The following DNM3 variants were observed in gnomAD, a reference collection of about 807,000 sequenced individuals.
DNM3 encodes the protein dynamin 3, also known as dynamin-3.
In DNM3, 47 loss-of-function variants were observed where a neutral mutation model predicts 101.6. The observed-to-expected ratio is 0.46, with a 90% CI of 0.37 to 0.59. The LOEUF (loss-of-function observed/expected upper bound fraction) is 0.59. DNM3 is among the 20% of genes least tolerant of loss of function. DNM3 has a pLI of 0.00. For synonymous variants in DNM3, 385 were observed against 387.9 expected (o/e 0.99, Z 0.09); for missense variants, 849 against 1,085.7 (o/e 0.78, Z 3.06).
intron 7 of DNM3, 64 bp downstream of exon 7, chr1:172,038,525 T>G: frequency 6.3e-7 from 1 of 1,581,682 alleles, no homozygotes; most frequent in East Asian, 2.2e-5. Flanking sequence ...TTCTATTGCC[T>G]TAGTCTATTT....
At chr1:172,282,921 G>A (rs1176294418) in intron 15 of DNM3, among the ~76,000 whole-genome samples, 1 of 152,130 alleles carries the variant, frequency 6.6e-6, no homozygotes, top group Non-Finnish European at 1.5e-5. Context: ...CTTTACCTTT[G>A]GGTGGGACAT....
chr1:171,901,031 T>C (rs1423865149), intron 1 of DNM3, among the ~76,000 whole-genome samples: 82 of 143,784 alleles, frequency 5.7e-4, no homozygotes, highest in Non-Finnish European at 9.4e-4. Flanking sequence ...GAGAATGGCG[T>C]GAACCCGGGA....
Position 172,409,020 on chromosome 1 carries a change from C to T in DNM3, c.*1179C>T, listed in dbSNP as rs1291156401. The T allele has an allele frequency of 5.1e-6, 5 of 985,302 alleles. No individual in the cohort carries two copies. The East Asian group carries it at 5.7e-4, about 112-fold the overall frequency. The allele number at this position is 985,302 out of a possible 1,614,324, so 61.0% of individuals were successfully genotyped here. On this transcript the variant is annotated 3_prime_UTR_variant, in exon 21 of 21. Transcript: ENST00000627582. Reference sequence around the variant, plus strand: ...GAAAAGGGTATTGAAACGTTGAAATCTAAAGCAAATTTGCAATTTCTTAAG... The same window carrying T: ...GAAAAGGGTATTGAAACGTTGAAATTTAAAGCAAATTTGCAATTTCTTAAG...
intron 11 of DNM3, among the ~76,000 whole-genome samples, chr1:172,078,432 G>A (rs2052854157): frequency 1.3e-5 from 2 of 151,846 alleles, no homozygotes; most frequent in Admixed American, 1.3e-4. Flanking sequence ...CAGCAACTAG[G>A]ATTGCAACCC....
intron 1 of DNM3, among the ~76,000 whole-genome samples, chr1:171,869,462 T>A (rs1452587855): frequency 6.6e-6 from 1 of 152,232 alleles, no homozygotes; most frequent in Admixed American, 6.5e-5. Context: ...AGAAGGTAGT[T>A]ATATCTGTCA....
chr1:172,179,021 G>A lies in DNM3; in HGVS notation c.1659+47733G>A, dbSNP rs577951291. On this transcript the variant is annotated intron_variant, in intron 14 of 20. Transcript: ENST00000627582. ...TGAGCTAATACTCTAAAGCCAGGGC[G>A]GTGATAGTAGTTATCTGTGTGTACT... Among the ~76,000 whole-genome samples the A allele has an allele frequency of 2.0e-4, 30 of 152,072 alleles. 2 individuals are homozygous for A. The South Asian group carries it at 2.9e-3, about 15-fold the overall frequency.
At chr1:172,039,112 C>A (rs919343743) in intron 7 of DNM3, among the ~76,000 whole-genome samples, 3 of 152,032 alleles carry the variant, frequency 2.0e-5, no homozygotes, top group African/African-American at 7.2e-5. Flanking sequence ...GAATTCCTAG[C>A]TCTTTATATC....
intron 15 of DNM3, among the ~76,000 whole-genome samples, chr1:172,278,413 T>C (rs1428289141): frequency 1.3e-5 from 2 of 152,082 alleles, no homozygotes; most frequent in African/African-American, 4.8e-5. Flanking sequence ...TAACAATAGC[T>C]GATGAGCTAA....
At chr1:172,296,471 TC>T (rs748748745) in intron 15 of DNM3, among the ~76,000 whole-genome samples, 44 of 152,310 alleles carry the variant, frequency 2.9e-4, no homozygotes, top group Admixed American at 1.1e-3. Context: ...CATTCGATAC[TC>T]TCAAAACAAC....
At chr1:171,940,993 T>C (rs2041773562) in intron 2 of DNM3, among the ~76,000 whole-genome samples, 1 of 152,176 alleles carries the variant, frequency 6.6e-6, no homozygotes, top group South Asian at 2.1e-4. Flanking sequence ...ATTGTCTAAA[T>C]TGTTGTTTGC....
chr1:172,171,717 C>T (rs1207943342), intron 14 of DNM3, among the ~76,000 whole-genome samples: 1 of 151,602 alleles, frequency 6.6e-6, no homozygotes, highest in Non-Finnish European at 1.5e-5. Context: ...AAGGGTTAGG[C>T]TGAAGACAAT....
At chr1:171,862,821 C>T (rs1292626090) in intron 1 of DNM3, among the ~76,000 whole-genome samples, 1 of 151,976 alleles carries the variant, frequency 6.6e-6, no homozygotes, top group East Asian at 1.9e-4. Context: ...GAAGCAGCAA[C>T]AGAAGGGCCC....
chr1:171,908,975 C>G (rs1166415061), intron 1 of DNM3, among the ~76,000 whole-genome samples: 1 of 152,136 alleles, frequency 6.6e-6, no homozygotes, highest in Admixed American at 6.5e-5. Flanking sequence ...TTTTCTTCCT[C>G]CCTCCCTTTT....
chr1:172,339,733 T>C (rs1316724305), intron 17 of DNM3, among the ~76,000 whole-genome samples: 1 of 152,206 alleles, frequency 6.6e-6, no homozygotes, highest in Admixed American at 6.5e-5. Flanking sequence ...TGTCATTTAT[T>C]GCTTCTCTCA....
At chr1:171,935,213 A>C (rs937391228) in intron 2 of DNM3, among the ~76,000 whole-genome samples, 6 of 152,112 alleles carry the variant, frequency 3.9e-5, no homozygotes, top group African/African-American at 1.4e-4. Flanking sequence ...TTTCCAACAC[A>C]ATGCCTATTT....
chr1:171,942,201 A>ATT lies in DNM3; in HGVS notation c.235+20402_235+20403dup, dbSNP rs71561599. 8.5e-3 allele frequency among the ~76,000 whole-genome samples: 885 copies of ATT among 103,562 alleles called. 41 individuals are homozygous for ATT. Among genetic ancestry groups the ATT allele is most frequent in the African/African-American group, 0.029 (775 of 26,818 alleles). The allele number at this position is 103,562 out of a possible 152,430, so 67.9% of individuals were successfully genotyped here. On this transcript the variant is annotated intron_variant, in intron 2 of 20. Transcript: ENST00000627582. ...AATGTTTTTAAATGCTGCTCACTTG[A>ATT]TTTTTTTTTTTTTTTTTTTTTTTAT... is the stretch of plus-strand genomic sequence containing the variant.
At chr1:172,306,107 T>C (rs1308064316) in intron 15 of DNM3, among the ~76,000 whole-genome samples, 1 of 152,162 alleles carries the variant, frequency 6.6e-6, no homozygotes, top group Non-Finnish European at 1.5e-5. Context: ...TGTTTGTAGA[T>C]GACATGATTG....
rs373493204 is a variant in DNM3, at chr1:171,989,116, C to T, written c.557C>T (p.Ala186Val). Residue 186 changes from alanine (A) to valine (V), a missense_variant, in exon 4 of 21, where the codon GCG becomes GTG. Physicochemically the swap from Ala to Val is moderately conservative, Grantham distance 64 (BLOSUM62 0). Transcript: ENST00000627582. Reference protein sequence around the residue: ...PANTDLANSDALKLAKEVDPQ... With the variant: ...PANTDLANSDVLKLAKEVDPQ... ...AACACTGATCTTGCAAACTCAGATG[C>T]GCTGAAGCTAGCTAAAGAAGTTGAT... 6.8e-6 allele frequency: 11 copies of T among 1,612,838 alleles called. No homozygotes were observed. Among genetic ancestry groups the T allele is most frequent in the East Asian group, 2.2e-5 (1 of 44,836 alleles).
chr1:172,005,096 T>C (rs2046597043), intron 4 of DNM3, among the ~76,000 whole-genome samples: 1 of 152,088 alleles, frequency 6.6e-6, no homozygotes, highest in Non-Finnish European at 1.5e-5. Flanking sequence ...AACTGTCTGA[T>C]TTGAATCATG....
Sources: allele counts gnomAD v4.1 joint callset (sites outside exome capture counted in the v4.1 genomes callset), GRCh38; gene constraint gnomAD v4.1.1; transcripts MANE v1.5; gene names NCBI Gene and HGNC (gene_info 2026-07-23, HGNC 2026-07-21).